CATSPERB: variants seen among roughly 807,000 people sequenced by gnomAD.
CATSPERB encodes the protein catsper channel auxiliary subunit beta, also known as cation channel sperm-associated auxiliary subunit beta.
Under a neutral mutation model 128.3 loss-of-function variants are expected in CATSPERB, and 93 were observed. That is an observed-to-expected ratio of 0.72 (90% CI 0.61 to 0.86). The LOEUF (loss-of-function observed/expected upper bound fraction) is 0.86, where lower values mean the gene tolerates loss of function less well. Among genes scored for constraint, CATSPERB ranks in the 40% least tolerant of loss-of-function variants. The probability of loss-of-function intolerance (pLI) is 0.00; values close to 1 mark genes in which losing one functional copy is unlikely to be tolerated. For missense variants in CATSPERB, 1,153 were observed against 1,329.5 expected, an observed-to-expected ratio of 0.87 and a Z score of 2.06; for synonymous variants, 381 against 448.8, an observed-to-expected ratio of 0.85 and a Z score of 1.91.
At position 91,613,696 on chromosome 14, in the gene CATSPERB, T is replaced by C. The variant is rs531750649; in HGVS notation, c.2401-3019A>G. Among the ~76,000 whole-genome samples the C allele has an allele frequency of 2.6e-5, 4 of 152,342 alleles. No individual in the cohort carries two copies. The East Asian group carries it at 7.7e-4, about 29-fold the overall frequency. ...AATGGCAACTTCTGGCCTCATGGAC[T>C]GGGCTTATCAGGCTTATTAGGCCCT... On this transcript the variant is annotated intron_variant, in intron 20 of 26. Transcript: ENST00000256343.
intron 22 of CATSPERB, among the ~76,000 whole-genome samples, chr14:91,598,663 C>T (rs1028604650): frequency 1.3e-5 from 2 of 151,984 alleles, no homozygotes; most frequent in African/African-American, 4.8e-5. Flanking sequence ...TCAAGACCAT[C>T]CTGGCTAACA....
At chr14:91,583,462 T>C (rs1483930349) in intron 26 of CATSPERB, among the ~76,000 whole-genome samples, 4 of 152,216 alleles carry the variant, frequency 2.6e-5, no homozygotes, top group Non-Finnish European at 5.9e-5. Flanking sequence ...ATTTATTATA[T>C]TTCTAAGATT....
chr14:91,695,508 C>A (rs184828095), intron 7 of CATSPERB, among the ~76,000 whole-genome samples: 252 of 152,272 alleles, frequency 1.7e-3, no homozygotes, highest in Middle Eastern at 3.4e-3. Context: ...CAAAAAAACA[C>A]TATTTAATGG....
At chr14:91,682,362 C>T (rs766386696) in intron 11 of CATSPERB, among the ~76,000 whole-genome samples, 18 of 152,290 alleles carry the variant, frequency 1.2e-4, no homozygotes, top group Middle Eastern at 3.4e-3. Flanking sequence ...GGTACAAATA[C>T]AGGTAATAGG....
chr14:91,610,256 T>C (rs1295916000), intron 21 of CATSPERB, among the ~76,000 whole-genome samples: 1 of 152,078 alleles, frequency 6.6e-6, no homozygotes, highest in Non-Finnish European at 1.5e-5. Flanking sequence ...AAGTGTAAAA[T>C]GATAATAATA....
In CATSPERB at chr14:91,691,506, A is replaced by G. The variant is rs60127911; in HGVS notation, c.864+17T>C. 2.5e-3 allele frequency: 4,020 copies of G among 1,584,398 alleles called. 119 individuals are homozygous for G. The African/African-American group carries it at 0.049, about 19-fold the overall frequency. On this transcript the variant is annotated intron_variant, in intron 10 of 26. Coordinates refer to ENST00000256343, the MANE Select transcript of CATSPERB (RefSeq NM_024764.4). ...ACATATCTTCTAACCAGCCCTGGGA[A>G]ATATAAAGCTTCTTACCCTTTCAAA...
rs1169815603 is a variant in CATSPERB, at chr14:91,708,233, A to G, written c.374T>C (p.Ile125Thr). ...PRENITQSTD[I>T]AAVEEWLVRI... Reference sequence around the variant, plus strand: ...TACTAACCATTCTTCTACAGCTGCAATATCTGTTTGAAAACAAAAGGCAAA... The same window carrying G: ...TACTAACCATTCTTCTACAGCTGCAGTATCTGTTTGAAAACAAAAGGCAAA... The change falls in exon 6 of 27, where the codon ATT (isoleucine) becomes ACT (threonine). Residue 125 changes from isoleucine to threonine, a missense_variant. Transcript: ENST00000256343. 2 of 1,591,498 alleles carry G rather than the reference A, an allele frequency of 1.3e-6. No homozygotes were observed. The highest frequency in any genetic ancestry group is 2.7e-5 in the African/African-American group (2 of 74,120).
intron 15 of CATSPERB, among the ~76,000 whole-genome samples, chr14:91,650,002 T>A (rs771580746): frequency 1.1e-4 from 17 of 152,216 alleles, no homozygotes; most frequent in Non-Finnish European, 1.3e-4. Flanking sequence ...CAATATGCCA[T>A]ATTTTGTGGA....
chr14:91,678,842 G>C (rs1227488196), intron 11 of CATSPERB, among the ~76,000 whole-genome samples: 2 of 152,036 alleles, frequency 1.3e-5, no homozygotes, highest in Non-Finnish European at 2.9e-5. Context: ...ATGTAATATT[G>C]GTGGTTCAAT....
At chr14:91,662,440 C>T (rs1024919521) in intron 14 of CATSPERB, among the ~76,000 whole-genome samples, 33 of 152,224 alleles carry the variant, frequency 2.2e-4, no homozygotes, top group African/African-American at 7.9e-4. Context: ...ATGTAATTTA[C>T]TTATTCATTT....
intron 5 of CATSPERB, among the ~76,000 whole-genome samples, chr14:91,708,723 C>T (rs191420819): frequency 5.3e-5 from 8 of 152,112 alleles, no homozygotes; most frequent in African/African-American, 1.4e-4. Flanking sequence ...ATAGAAACAA[C>T]CTGCAAGGTG....
At chr14:91,674,130 A>G (rs756160641) in intron 12 of CATSPERB, 46 bp downstream of exon 12, 3 of 1,134,620 alleles carry the variant, frequency 2.6e-6, no homozygotes, top group Non-Finnish European at 3.9e-6. Context: ...GAAGTCCCCA[A>G]TCCCACAACA....
At position 91,632,527 on chromosome 14, in the gene CATSPERB, C is replaced by T. The variant is rs1894297727; in HGVS notation, c.1742+3898G>A. On this transcript the variant is annotated intron_variant, in intron 17 of 26. Coordinates refer to ENST00000256343, the MANE Select transcript of CATSPERB (RefSeq NM_024764.4). ...AACTGATCATGAAGATGTAACAATT[C>T]TAAACTTATATGTACCTAATAACAA... is the stretch of plus-strand genomic sequence containing the variant. 2.0e-5 allele frequency among the ~76,000 whole-genome samples: 3 copies of T among 152,104 alleles called. No homozygotes were observed. In the South Asian group the frequency reaches 6.2e-4, roughly 31 times the overall value.
At chr14:91,672,837 GA>G (rs1227067762) in intron 13 of CATSPERB, 29 bp downstream of exon 13, 5 of 1,487,506 alleles carry the variant, frequency 3.4e-6, no homozygotes, top group Non-Finnish European at 4.5e-6. Flanking sequence ...GTCATGTCAA[GA>G]TAAATTCCCT....
chr14:91,706,477 TA>T (rs768465268), intron 6 of CATSPERB, among the ~76,000 whole-genome samples: 2 of 152,144 alleles, frequency 1.3e-5, no homozygotes, highest in Non-Finnish European at 2.9e-5. Flanking sequence ...AGGAACTGAT[TA>T]AAAGTTTTGA....
chr14:91,621,148 T>C (rs148553125), intron 19 of CATSPERB, among the ~76,000 whole-genome samples: 265 of 152,326 alleles, frequency 1.7e-3, no homozygotes, highest in African/African-American at 6.2e-3. Context: ...ACGCCTGTAA[T>C]CCCAGCATTT....
At chr14:91,589,507 A>G (rs1220853507) in intron 24 of CATSPERB, 27 bp downstream of exon 24, 3 of 1,596,784 alleles carry the variant, frequency 1.9e-6, no homozygotes, top group Non-Finnish European at 2.6e-6. Context: ...ATCAGATAAA[A>G]TAATTACAGA....
Position 91,725,147 on chromosome 14 carries a change from G to A in CATSPERB, c.101C>T (p.Ala34Val). The change falls in exon 3 of 27, where the codon GCA becomes GTA. Residue 34 changes from alanine to valine, a missense_variant. Coordinates refer to ENST00000256343, the MANE Select transcript of CATSPERB (RefSeq NM_024764.4). ...TTGAGGGAACCCTTTGTTAGAACAT[G>A]CAAAGCGTTTCTCTGTATCATCTAA... ...YNKDDTEKRF[A>V]CSNKGFPQEN... 6.4e-7 allele frequency: 1 copy of A among 1,566,878 alleles called. No individual in the cohort carries two copies. The highest frequency in any genetic ancestry group is 2.3e-5 in the East Asian group (1 of 43,082).
chr14:91,712,582 T>TA (rs1346450423), intron 5 of CATSPERB, among the ~76,000 whole-genome samples: 4 of 152,246 alleles, frequency 2.6e-5, no homozygotes, highest in Non-Finnish European at 5.9e-5. Context: ...AGGGCTTTTG[T>TA]ATTGCATCGT....
Sources: gnomAD v4.1 joint callset for allele counts (sites outside exome capture counted in the v4.1 genomes callset) on GRCh38, gnomAD v4.1.1 for gene constraint, MANE v1.5 for transcripts, NCBI Gene and HGNC (gene_info 2026-07-23, HGNC 2026-07-21) for gene names.